The following NFIB variants were observed in gnomAD, a reference collection of about 807,000 sequenced individuals.
NFIB encodes the protein nuclear factor 1 B-type.
In NFIB, 11 loss-of-function variants were observed where a neutral mutation model predicts 61.5. The ratio of observed to expected loss-of-function variants is 0.18; its 90% CI spans 0.11 to 0.30. The LOEUF (loss-of-function observed/expected upper bound fraction) is 0.30. Among genes scored for constraint, NFIB ranks in the 10% least tolerant of loss-of-function variants. The pLI is 1.00. For missense variants in NFIB, 471 were observed against 608.9 expected, an observed-to-expected ratio of 0.77 and a Z score of 2.38; for synonymous variants, 260 against 216.5, an observed-to-expected ratio of 1.20 and a Z score of -1.76.
the NFIB span, among the ~76,000 whole-genome samples, chr9:14,515,862 C>A: frequency 9.3e-4 from 141 of 152,192 alleles, 2 homozygotes; most frequent in Non-Finnish European, 3.8e-4. Flanking sequence ...CCATGCTGCC[C>A]GACCTCATTC....
rs535476374 is a variant in NFIB at position 14,122,837 on chromosome 9, C to T, written c.1061-2213G>A. Among the ~76,000 whole-genome samples the T allele has an allele frequency of 2.6e-5, 4 of 152,274 alleles. No homozygotes were observed. In the South Asian group the frequency reaches 6.2e-4, roughly 24 times the overall value. ...ACCCGAACTCACATCTATGGGCAAC[C>T]TGGCACTGTGCTTGCATGAGCTGTA... On this transcript the variant is annotated intron_variant, in intron 7 of 10. Transcript: ENST00000380953.
intron 1 of NFIB, among the ~76,000 whole-genome samples, chr9:14,350,910 T>C (rs1040418665): frequency 6.6e-6 from 1 of 152,056 alleles, no homozygotes; most frequent in African/African-American, 2.4e-5. Context: ...CTGCTTTAAA[T>C]AGGAAGGAGA....
chr9:14,339,926 G>T (rs947331338), intron 1 of NFIB, among the ~76,000 whole-genome samples: 2 of 152,180 alleles, frequency 1.3e-5, no homozygotes, highest in Non-Finnish European at 2.9e-5. Flanking sequence ...AAAGTATTTG[G>T]TAATTGCCTG....
chr9:14,430,322 A>G, the NFIB span, among the ~76,000 whole-genome samples: 8 of 152,236 alleles, frequency 5.3e-5, no homozygotes, highest in East Asian at 9.6e-4. Flanking sequence ...ACAGCGAATT[A>G]AGACTTCTTC....
chr9:14,395,676 G>C (rs561805848), intron 1 of NFIB, among the ~76,000 whole-genome samples: 1 of 139,360 alleles, frequency 7.2e-6, no homozygotes, highest in Non-Finnish European at 1.5e-5. Flanking sequence ...ATTTTACCTC[G>C]TAAAAAATTC....
At chr9:14,338,017 T>C (rs1187988491) in intron 1 of NFIB, among the ~76,000 whole-genome samples, 1 of 152,218 alleles carries the variant, frequency 6.6e-6, no homozygotes, top group Non-Finnish European at 1.5e-5. Context: ...TCGGTGTTGA[T>C]TCTTTTCTTA....
At chr9:14,129,625 A>G (rs1322565750) in intron 6 of NFIB, among the ~76,000 whole-genome samples, 1 of 152,126 alleles carries the variant, frequency 6.6e-6, no homozygotes, top group Non-Finnish European at 1.5e-5. Context: ...CTCATATGCT[A>G]CAAAAAAAAG....
At chr9:14,244,505 T>C (rs138439954) in intron 2 of NFIB, among the ~76,000 whole-genome samples, 19 of 152,290 alleles carry the variant, frequency 1.2e-4, no homozygotes, top group African/African-American at 3.8e-4. Context: ...CTAATGGGAA[T>C]GAGTATAGTA....
rs58428826 is a variant in NFIB, at chr9:14,395,323, CT to C, written c.108+3200del. Reference sequence around the variant, plus strand: ...CGGGACAGCCAAAAAAAAAAAAAACCTAAAAAAAAAAAATCAAGAGATGCAA... The same window carrying C: ...CGGGACAGCCAAAAAAAAAAAAAACCAAAAAAAAAAAATCAAGAGATGCAA... On this transcript the variant is annotated intron_variant, in intron 1 of 8. Transcript: ENST00000380934. Among the ~76,000 whole-genome samples, 35 of 146,148 alleles carry C rather than the reference CT, an allele frequency of 2.4e-4. 1 individual carries two copies. Among genetic ancestry groups the C allele is most frequent in the East Asian group, 1.8e-3 (9 of 5,108 alleles).
intron 10 of NFIB, among the ~76,000 whole-genome samples, chr9:14,101,859 T>G (rs946991098): frequency 1.4e-4 from 21 of 152,310 alleles, no homozygotes; most frequent in African/African-American, 4.8e-4. Context: ...ATTAAAACTT[T>G]AACAAATTCC....
At chr9:14,254,990 G>C (rs775236949) in intron 2 of NFIB, among the ~76,000 whole-genome samples, 4 of 152,116 alleles carry the variant, frequency 2.6e-5, no homozygotes, top group Non-Finnish European at 4.4e-5. Flanking sequence ...CCTTCGCTAA[G>C]TCAGGAAGAT....
intron 4 of NFIB, among the ~76,000 whole-genome samples, chr9:14,152,987 A>G (rs1214950071): frequency 6.6e-6 from 1 of 152,110 alleles, no homozygotes; most frequent in Non-Finnish European, 1.5e-5. Flanking sequence ...ACAGTTAACA[A>G]CAATATATTA....
chr9:14,305,873 T>G, intron 2 of NFIB: 1 of 667,414 alleles, frequency 1.5e-6, no homozygotes, highest in Non-Finnish European at 2.2e-6. Flanking sequence ...AGGCCAAGTT[T>G]GGAAATGACC....
intron 2 of NFIB, among the ~76,000 whole-genome samples, chr9:14,194,038 C>T (rs1288416898): frequency 1.3e-5 from 2 of 152,014 alleles, no homozygotes; most frequent in African/African-American, 4.8e-5. Context: ...ACAGTCACCA[C>T]CAAACATCAT....
At chr9:14,108,325 T>C (rs540716162) in intron 10 of NFIB, among the ~76,000 whole-genome samples, 42 of 152,186 alleles carry the variant, frequency 2.8e-4, no homozygotes, top group African/African-American at 8.7e-4. Context: ...ATGACTACCT[T>C]TCCAATGGTA....
the NFIB span, among the ~76,000 whole-genome samples, chr9:14,509,878 C>T: frequency 6.0e-4 from 92 of 152,238 alleles, no homozygotes; most frequent in African/African-American, 2.1e-3. Context: ...TATGAAGACT[C>T]ATTTTATTTT....
At chr9:14,338,132 C>A (rs1197428476) in intron 1 of NFIB, among the ~76,000 whole-genome samples, 1 of 152,164 alleles carries the variant, frequency 6.6e-6, no homozygotes. Flanking sequence ...CAGTGGCTCA[C>A]GCCTGTAATC....
chr9:14,345,888 G>A (rs1218091020), intron 1 of NFIB, among the ~76,000 whole-genome samples: 2 of 152,148 alleles, frequency 1.3e-5, no homozygotes, highest in African/African-American at 2.4e-5. Context: ...GTCGCTGCAC[G>A]GTTTTGCTTC....
intron 1 of NFIB, among the ~76,000 whole-genome samples, chr9:14,332,375 C>G (rs1393016270): frequency 2.0e-5 from 3 of 150,636 alleles, no homozygotes; most frequent in Admixed American, 6.6e-5. Context: ...CTCCCTAGCT[C>G]CCTGATGCCA....
Sources: gnomAD v4.1 joint callset for allele counts (sites outside exome capture counted in the v4.1 genomes callset) on GRCh38, gnomAD v4.1.1 for gene constraint, MANE v1.5 for transcripts, NCBI Gene and HGNC (gene_info 2026-07-23, HGNC 2026-07-21) for gene names.